The following MTARC2 variants were observed in gnomAD, a reference collection of about 807,000 sequenced individuals.
MTARC2 encodes the protein MOCO sulphurase C-terminal domain containing 2.
A neutral mutation model predicts 35.6 loss-of-function variants in MTARC2; 27 were observed. That is an observed-to-expected ratio of 0.76 (90% CI 0.56 to 1.04). MTARC2 has a LOEUF of 1.04. Among genes scored for constraint, MTARC2 ranks in the 50% least tolerant of loss-of-function variants. MTARC2 has a pLI of 0.00. For synonymous variants in MTARC2, 158 were observed against 167.1 expected, an observed-to-expected ratio of 0.95 and a Z score of 0.42; for missense variants, 412 against 432.5, an observed-to-expected ratio of 0.95 and a Z score of 0.42.
chr1:220,754,873 G>A, intron 1 of MTARC2, 74 bp from the exon 2 acceptor site: 1 of 1,380,218 alleles, frequency 7.2e-7, no homozygotes. Flanking sequence ...TTCTGAGGAA[G>A]TAGAAAGCTG....
rs762837627 is a variant in MTARC2 at position 220,761,661 on chromosome 1, A to G, written c.450A>G (p.Ile150Met). Reference protein sequence around the residue: ...PSSNKLHNCRIFGLDIKGRDC... With the variant: ...PSSNKLHNCRMFGLDIKGRDC... ...TGTTCTTTTGTGACCTTTCCAGGAT[A>G]TTTGGCCTTGACATTAAAGGCAGAG... Residue 150 changes from isoleucine to methionine, a missense_variant, in exon 3 of 8, where the codon ATA (isoleucine) becomes ATG (methionine). Ile to Met is a conservative substitution (Grantham distance 10). Transcript: ENST00000366913. 8 of 1,608,948 alleles carry G rather than the reference A, an allele frequency of 5.0e-6. No individual in the cohort carries two copies. The highest frequency in any genetic ancestry group is 5.9e-6 in the Non-Finnish European group (7 of 1,178,764).
chr1:220,755,255 T>C, intron 2 of MTARC2, 135 bp downstream of exon 2: 1 of 967,840 alleles, frequency 1.0e-6, no homozygotes, highest in Non-Finnish European at 1.5e-6. Flanking sequence ...AGAAGTGCAG[T>C]TTGAGTTGGG....
intron 4 of MTARC2, chr1:220,770,534 G>A: frequency 1.0e-6 from 1 of 985,430 alleles, no homozygotes; most frequent in Non-Finnish European, 1.2e-6. Flanking sequence ...TACAGATGTT[G>A]GAGTAGAGAC....
chr1:220,781,410 A>G (rs1021629710), intron 6 of MTARC2, among the ~76,000 whole-genome samples: 1 of 152,268 alleles, frequency 6.6e-6, no homozygotes, highest in African/African-American at 2.4e-5. Flanking sequence ...GCTTAAATGC[A>G]CTAAACAGAA....
At chr1:220,783,469 A>T (rs1047256010) in intron 7 of MTARC2, among the ~76,000 whole-genome samples, 3 of 152,160 alleles carry the variant, frequency 2.0e-5, no homozygotes, top group Admixed American at 2.0e-4. Context: ...AAGGGCTTTC[A>T]TGTGTTCTCT....
intron 2 of MTARC2, among the ~76,000 whole-genome samples, chr1:220,759,753 A>G (rs1418459971): frequency 6.6e-6 from 1 of 152,138 alleles, no homozygotes; most frequent in African/African-American, 2.4e-5. Flanking sequence ...ATGTCTGTAG[A>G]GCCAAGAATT....
intron 4 of MTARC2, among the ~76,000 whole-genome samples, chr1:220,770,773 A>G (rs896867559): frequency 2.0e-5 from 3 of 152,182 alleles, no homozygotes; most frequent in Non-Finnish European, 4.4e-5. Context: ...GGAGACTAGA[A>G]TGTCTTATGT....
At chr1:220,779,938 C>T in intron 4 of MTARC2, 80 bp from the exon 5 acceptor site, 2 of 1,095,948 alleles carry the variant, frequency 1.8e-6, no homozygotes, top group South Asian at 3.6e-5. Flanking sequence ...TAGTTTCATA[C>T]TTAATATGAG....
chr1:220,767,599 C>T (rs1271189537), intron 4 of MTARC2, among the ~76,000 whole-genome samples: 1 of 152,134 alleles, frequency 6.6e-6, no homozygotes, highest in Non-Finnish European at 1.5e-5. Flanking sequence ...TGTAGTTGGC[C>T]ATTGTGGGGT....
intron 2 of MTARC2, among the ~76,000 whole-genome samples, chr1:220,760,201 A>G (rs1671403586): frequency 6.6e-6 from 1 of 152,180 alleles, no homozygotes; most frequent in Non-Finnish European, 1.5e-5. Context: ...CCTTGGAGGG[A>G]AAAACATACA....
intron 4 of MTARC2, among the ~76,000 whole-genome samples, chr1:220,766,163 T>C (rs906539994): frequency 6.6e-6 from 1 of 152,168 alleles, no homozygotes; most frequent in African/African-American, 2.4e-5. Context: ...TTTCTAAGAA[T>C]GAATCTAGAC....
intron 4 of MTARC2, among the ~76,000 whole-genome samples, chr1:220,778,099 C>T (rs887038147): frequency 4.1e-4 from 63 of 151,894 alleles, no homozygotes; most frequent in African/African-American, 1.4e-3. Flanking sequence ...AAAAATTAAC[C>T]GGGCATGGTG....
intron 2 of MTARC2, among the ~76,000 whole-genome samples, chr1:220,757,410 A>G (rs1671309254): frequency 6.6e-6 from 1 of 152,202 alleles, no homozygotes; most frequent in Non-Finnish European, 1.5e-5. Flanking sequence ...GCTATTTTTA[A>G]TGGATTCGTT....
Position 220,754,988 on chromosome 1 carries a change from C to T in MTARC2, c.314C>T (p.Ala105Val). The change falls in exon 2 of 8, where the codon GCC (alanine) becomes GTC (valine). Residue 105 changes from alanine (A) to valine (V), a missense_variant. Transcript: ENST00000366913. ...AAGGAAGATGGACACATGGTCACTG[C>T]CCGACAGGAGCCTCGCCTCGTGCTC... is the stretch of plus-strand genomic sequence containing the variant. ...VIKEDGHMVTARQEPRLVLIS... is the reference protein window; with the variant it reads ...VIKEDGHMVTVRQEPRLVLIS... The T allele has an allele frequency of 6.2e-7, 1 of 1,610,004 alleles. No individual in the cohort carries two copies. Among genetic ancestry groups the T allele is most frequent in the Non-Finnish European group, 8.5e-7 (1 of 1,178,118 alleles).
chr1:220,763,230 G>T (rs1228572911), intron 4 of MTARC2, among the ~76,000 whole-genome samples, 180 bp downstream of exon 4: 1 of 152,090 alleles, frequency 6.6e-6, no homozygotes, highest in East Asian at 1.9e-4. Context: ...CAACACGCTG[G>T]CCTCGGGGGG....
intron 7 of MTARC2, among the ~76,000 whole-genome samples, chr1:220,782,662 C>T (rs140425688): frequency 5.5e-4 from 84 of 152,330 alleles, no homozygotes; most frequent in African/African-American, 1.8e-3. Context: ...CTGGCCTGAG[C>T]TTCTCACGTG....
intron 4 of MTARC2, among the ~76,000 whole-genome samples, chr1:220,776,217 C>T (rs1671907519): frequency 6.6e-6 from 1 of 152,136 alleles, no homozygotes; most frequent in Non-Finnish European, 1.5e-5. Context: ...GATAGCCATT[C>T]TGATTGGTGT....
At chr1:220,781,060 G>C (rs751746338) in intron 6 of MTARC2, among the ~76,000 whole-genome samples, 1 of 149,544 alleles carries the variant, frequency 6.7e-6, no homozygotes, top group Non-Finnish European at 1.5e-5. Context: ...AGTTCCCAAC[G>C]AAGATAGTGA....
intron 6 of MTARC2, among the ~76,000 whole-genome samples, chr1:220,781,205 T>A (rs1278168437): frequency 6.6e-6 from 1 of 152,194 alleles, no homozygotes; most frequent in Non-Finnish European, 1.5e-5. Context: ...CTATTTTGTT[T>A]TTGATTTTTA....
Sources: gnomAD v4.1 joint callset for allele counts (sites outside exome capture counted in the v4.1 genomes callset) on GRCh38, gnomAD v4.1.1 for gene constraint, MANE v1.5 for transcripts, NCBI Gene and HGNC (gene_info 2026-07-23, HGNC 2026-07-21) for gene names.